The following TDRD5 variants were observed in gnomAD, a reference collection of about 807,000 sequenced individuals.
TDRD5 encodes tudor domain containing 5.
TDRD5 carries 41 observed loss-of-function variants against 120.6 expected under a neutral mutation model. The ratio of observed to expected loss-of-function variants is 0.34; its 90% CI spans 0.26 to 0.44. TDRD5 has a LOEUF of 0.44. Ranked by LOEUF, TDRD5 falls within the 20% of genes least tolerant of loss-of-function variation. The pLI, the probability that TDRD5 is intolerant of heterozygous loss-of-function variation, is 1.00. For missense variants in TDRD5, 1,006 were observed against 1,221.2 expected (o/e 0.82, Z 2.63); for synonymous variants, 430 against 433.7 (o/e 0.99, Z 0.11).
intron 14 of TDRD5, 57 bp downstream of exon 14, chr1:179,654,419 T>G: frequency 1.4e-6 from 2 of 1,431,980 alleles, no homozygotes; most frequent in Non-Finnish European, 1.9e-6. Context: ...ACTGAATTCA[T>G]AAGTGAAGAG....
chr1:179,631,660 C>T (rs528332526), intron 7 of TDRD5, among the ~76,000 whole-genome samples: 1 of 152,236 alleles, frequency 6.6e-6, no homozygotes, highest in Non-Finnish European at 1.5e-5. Context: ...AAAAACCTTT[C>T]ACCCAGTTTC....
rs143672445 is a variant in TDRD5 at position 179,605,718 on chromosome 1, G to A, written c.831+9900G>A. Among the ~76,000 whole-genome samples, 173 of 152,252 alleles carry A rather than the reference G, an allele frequency of 1.1e-3. 1 individual carries two copies. The highest frequency in any genetic ancestry group is 3.9e-3 in the African/African-American group (161 of 41,540). On this transcript the variant is annotated intron_variant, in intron 4 of 17. Coordinates refer to ENST00000444136, the MANE Select transcript of TDRD5 (RefSeq NM_001199085.3). ...AGAGTCATATAGTTGGACTTCTACA[G>A]CATGTAGCCTTTCAGATTGGGTTCT...
At chr1:179,654,429 G>A in intron 14 of TDRD5, 67 bp downstream of exon 14, 2 of 1,403,896 alleles carry the variant, frequency 1.4e-6, no homozygotes, top group Non-Finnish European at 1.9e-6. Context: ...TAAGTGAAGA[G>A]GACTGGAATA....
At chr1:179,667,830 T>C (rs966376171) in intron 16 of TDRD5, among the ~76,000 whole-genome samples, 2 of 152,222 alleles carry the variant, frequency 1.3e-5, no homozygotes, top group Non-Finnish European at 2.9e-5. Flanking sequence ...TATATAATTA[T>C]ATAAGCCACA....
At chr1:179,655,805 TTGC>T (rs1678977653) in intron 14 of TDRD5, among the ~76,000 whole-genome samples, 1 of 152,228 alleles carries the variant, frequency 6.6e-6, no homozygotes, top group African/African-American at 2.4e-5. Flanking sequence ...TTCTTTTCGA[TTGC>T]TGAATAGTAT....
At chr1:179,607,568 G>A (rs1312693772) in intron 4 of TDRD5, among the ~76,000 whole-genome samples, 1 of 151,758 alleles carries the variant, frequency 6.6e-6, no homozygotes, top group Non-Finnish European at 1.5e-5. Flanking sequence ...TATATTTTTA[G>A]TGGATGCCTT....
chr1:179,628,324 C>CT (rs71569258), intron 6 of TDRD5, among the ~76,000 whole-genome samples: 3,455 of 54,562 alleles, frequency 0.063, 347 homozygotes, highest in African/African-American at 0.18. Context: ...CTTTTCTTTT[C>CT]TTTTTTTTTT....
chr1:179,633,867 TTAAC>T (rs897933926), intron 7 of TDRD5, among the ~76,000 whole-genome samples: 25 of 152,094 alleles, frequency 1.6e-4, no homozygotes, highest in Middle Eastern at 3.4e-3. Context: ...AATTAAGTCT[TTAAC>T]TAAAGTTTAA....
intron 6 of TDRD5, among the ~76,000 whole-genome samples, chr1:179,621,525 C>T (rs1038283621): frequency 5.3e-5 from 8 of 151,952 alleles, no homozygotes; most frequent in African/African-American, 1.5e-4. Flanking sequence ...TGCACATGTA[C>T]GCATGAAGAC....
chr1:179,660,359 C>A (rs4520380), intron 14 of TDRD5, among the ~76,000 whole-genome samples: 51,417 of 151,088 alleles, frequency 0.34, 8,941 homozygotes, highest in Admixed American at 0.42. Context: ...AGCTGGGACT[C>A]CAGGCACCCA....
intron 17 of TDRD5, among the ~76,000 whole-genome samples, chr1:179,672,771 T>C (rs1390583007): frequency 6.6e-6 from 1 of 152,224 alleles, no homozygotes; most frequent in Non-Finnish European, 1.5e-5. Context: ...TTGATTTTTA[T>C]ATAGGGTGAG....
At chr1:179,651,262 C>A (rs953091832) in intron 12 of TDRD5, among the ~76,000 whole-genome samples, 195 bp downstream of exon 12, 5 of 152,124 alleles carry the variant, frequency 3.3e-5, no homozygotes, top group Admixed American at 6.5e-5. Flanking sequence ...GACTAATTGT[C>A]CTTTGAAATG....
At chr1:179,671,951 T>G (rs1229225864) in intron 17 of TDRD5, among the ~76,000 whole-genome samples, 1 of 56,568 alleles carries the variant, frequency 1.8e-5, no homozygotes, top group Non-Finnish European at 3.3e-5. Flanking sequence ...TATTCCATGG[T>G]GTGTGTGTGT....
chr1:179,683,931 C>T (rs887122432), intron 17 of TDRD5, among the ~76,000 whole-genome samples: 1 of 152,142 alleles, frequency 6.6e-6, no homozygotes, highest in African/African-American at 2.4e-5. Flanking sequence ...GAGTACACAT[C>T]TCAGAGTGCT....
intron 4 of TDRD5, among the ~76,000 whole-genome samples, chr1:179,597,671 C>T (rs188986798): frequency 1.2e-4 from 19 of 152,192 alleles, no homozygotes; most frequent in Admixed American, 2.6e-4. Flanking sequence ...GGATTTTAAT[C>T]GAAGTTACAA....
intron 5 of TDRD5, 127 bp downstream of exon 5, chr1:179,618,809 A>G (rs1676696226): frequency 6.5e-6 from 4 of 615,672 alleles, no homozygotes; most frequent in South Asian, 4.7e-5. Flanking sequence ...CTAAGCAACA[A>G]TTCTTTTAGA....
At chr1:179,642,123 C>T (rs1380161978) in intron 11 of TDRD5, among the ~76,000 whole-genome samples, 7 of 149,452 alleles carry the variant, frequency 4.7e-5, no homozygotes, top group Non-Finnish European at 7.4e-5. Flanking sequence ...TTTTTGGAGA[C>T]GGAGTCTTCC....
intron 4 of TDRD5, among the ~76,000 whole-genome samples, chr1:179,608,547 T>A (rs1453284535): frequency 6.6e-6 from 1 of 152,118 alleles, no homozygotes; most frequent in African/African-American, 2.4e-5. Context: ...GTAACCTAAT[T>A]CCATCCAGAT....
At chr1:179,690,604 A>C in intron 17 of TDRD5, 92 bp from the exon 18 acceptor site, 1 of 1,500,000 alleles carries the variant, frequency 6.7e-7, no homozygotes, top group Non-Finnish European at 8.9e-7. Flanking sequence ...AAATGATTGT[A>C]ACACATATTA....
Sources: gnomAD v4.1 joint callset for allele counts (sites outside exome capture counted in the v4.1 genomes callset) on GRCh38, gnomAD v4.1.1 for gene constraint, MANE v1.5 for transcripts, NCBI Gene and HGNC (gene_info 2026-07-23, HGNC 2026-07-21) for gene names.